The following FIGN variants were observed in gnomAD, a reference collection of about 807,000 sequenced individuals.
FIGN encodes fidgetin, microtubule severing factor.
In FIGN, 11 loss-of-function variants were observed where a neutral mutation model predicts 51.3. That is an observed-to-expected ratio of 0.21 (90% confidence interval 0.13 to 0.35). FIGN has a LOEUF of 0.35. FIGN is among the 10% of genes least tolerant of loss of function. The probability of loss-of-function intolerance (pLI) is 1.00; values close to 1 mark genes in which losing one functional copy is unlikely to be tolerated. For missense variants in FIGN, 857 were observed against 943.6 expected (o/e 0.91, Z 1.20); for synonymous variants, 407 against 363.2 (o/e 1.12, Z -1.37).
chr2:163,684,939 ATTTTTTTTTT>A, intron 2 of FIGN, among the ~76,000 whole-genome samples: 1 of 119,450 alleles, frequency 8.4e-6, no homozygotes, highest in East Asian at 2.6e-4. Flanking sequence ...ATGCCTGGCT[ATTTTTTTTTT>A]TTTTTTTTTG....
chr2:163,639,450 C>T (rs1683275288), intron 2 of FIGN, among the ~76,000 whole-genome samples: 1 of 152,042 alleles, frequency 6.6e-6, no homozygotes, highest in South Asian at 2.1e-4. Flanking sequence ...TTAAACATGG[C>T]AAACAAGTTC....
intron 2 of FIGN, among the ~76,000 whole-genome samples, chr2:163,664,427 G>T (rs1054841172): frequency 1.3e-5 from 2 of 151,994 alleles, no homozygotes; most frequent in African/African-American, 4.8e-5. Flanking sequence ...TTAAATTCTA[G>T]TATATATATT....
intron 2 of FIGN, 22 bp from the exon 3 acceptor site, chr2:163,611,828 G>C: frequency 6.3e-7 from 1 of 1,576,924 alleles, no homozygotes. Flanking sequence ...GGGGGGAAAA[G>C]AGTTAATTTA....
chr2:163,661,820 T>C (rs2105328177), intron 2 of FIGN, among the ~76,000 whole-genome samples: 2 of 152,280 alleles, frequency 1.3e-5, no homozygotes, highest in African/African-American at 4.8e-5. Flanking sequence ...TGCCACCATG[T>C]AAGAAGTGCC....
chr2:163,690,338 T>A (rs929489460), intron 2 of FIGN, among the ~76,000 whole-genome samples: 1 of 152,158 alleles, frequency 6.6e-6, no homozygotes, highest in Admixed American at 6.5e-5. Flanking sequence ...AATTTAAAAA[T>A]CAAATAAAGT....
At chr2:163,668,018 C>A (rs1232845028) in intron 2 of FIGN, among the ~76,000 whole-genome samples, 1 of 148,654 alleles carries the variant, frequency 6.7e-6, no homozygotes, top group African/African-American at 2.5e-5. Context: ...CCTCCAACCC[C>A]CCCCCCCAAA....
Position 163,610,413 on chromosome 2 carries a change from G to C in FIGN, c.1419C>G (p.Thr473=). 6.2e-7 allele frequency: 1 copy of C among 1,614,110 alleles called. No homozygotes were observed. Among genetic ancestry groups the C allele is most frequent in the Non-Finnish European group, 8.5e-7 (1 of 1,180,022 alleles). The change falls in exon 3 of 3, where the codon ACC becomes ACG. Residue 473 remains threonine (T), a synonymous_variant. Coordinates refer to ENST00000333129, the MANE Select transcript of FIGN (RefSeq NM_018086.4). ...NTDTHLIDLV[T]NEIITQGPPV... is the part of the protein sequence containing the mutation. ...GAGGTCCTTGGGTGATAATCTCATT[G>C]GTTACCAGGTCGATGAGGTGCGTGT... is the stretch of plus-strand genomic sequence containing the variant.
At position 163,720,461 on chromosome 2, in the gene FIGN, T is replaced by C. The variant is rs59288477; in HGVS notation, c.25+14442A>G. Reference sequence around the variant, plus strand: ...AAAAGAGTCCATTAGAAAACATTCTTTTCATGCATTTGGGACAAATATATT... The same window carrying C: ...AAAAGAGTCCATTAGAAAACATTCTCTTCATGCATTTGGGACAAATATATT... On this transcript the variant is annotated intron_variant, in intron 2 of 2. Transcript: ENST00000333129. Among the ~76,000 whole-genome samples the C allele has an allele frequency of 1.6e-3, 240 of 152,324 alleles. 1 individual carries two copies. Among genetic ancestry groups the C allele is most frequent in the African/African-American group, 5.6e-3 (232 of 41,562 alleles).
Position 163,610,042 on chromosome 2 carries a change from T to C in FIGN, c.1790A>G (p.Glu597Gly), listed in dbSNP as rs771300881. The change falls in exon 3 of 3, where the codon GAG becomes GGG. Residue 597 changes from glutamate (E) to glycine (G), a missense_variant. Coordinates refer to ENST00000333129, the MANE Select transcript of FIGN (RefSeq NM_018086.4). ...CATCCGACTGACTGGACTATGTTCC[T>C]CATTCACTTGAGAGGAGAGAAGCAT... is the stretch of plus-strand genomic sequence containing the variant. ...IDMLLSSQVN[E>G]EHSPVSRMRT... 3 of 1,614,134 alleles carry C rather than the reference T, an allele frequency of 1.9e-6. No homozygotes were observed. The Middle Eastern group carries it at 4.9e-4, about 266-fold the overall frequency.
In FIGN at chr2:163,734,994, C is replaced by T; in HGVS notation, c.-67G>A. The T allele has an allele frequency of 6.5e-7, 1 of 1,548,744 alleles. No homozygotes were observed. The highest frequency in any genetic ancestry group is 8.9e-7 in the Non-Finnish European group (1 of 1,128,176). ...AGCAGGAATTCCAAAGGTTGCTTTT[C>T]ATTAAAGCCACTTTTCCTCTCAGCT... On this transcript the variant is annotated 5_prime_UTR_variant, in exon 2 of 3. The change abolishes an upstream ATG in the 5' untranslated region. Coordinates refer to ENST00000333129, the MANE Select transcript of FIGN (RefSeq NM_018086.4).
intron 2 of FIGN, among the ~76,000 whole-genome samples, chr2:163,647,344 G>A (rs1176494425): frequency 6.6e-6 from 1 of 152,142 alleles, no homozygotes; most frequent in Non-Finnish European, 1.5e-5. Context: ...GCTGCAGGGA[G>A]GGTTCCTCTC....
rs1323683739 is a variant in FIGN at position 163,611,572 on chromosome 2, A to G, written c.260T>C (p.Val87Ala). 6.2e-7 allele frequency: 1 copy of G among 1,614,242 alleles called. No individual in the cohort carries two copies. Among genetic ancestry groups the G allele is most frequent in the South Asian group, 1.1e-5 (1 of 91,092 alleles). The change falls in exon 3 of 3, where the codon GTA (valine) becomes GCA (alanine). Residue 87 changes from valine to alanine, a missense_variant. Around this residue, in one of 3 missense-constraint regions of FIGN, gnomAD observed 799 missense variants for 849.5 expected, o/e 0.94. Transcript: ENST00000333129. ...TGGTGTGTCCGAATAGTTGCTGAGT[A>G]CGGGTCGGTCCACAGGACCTTCCAA... ...GILEGPVDRP[V>A]LSNYSDTPSG...
chr2:163,653,298 C>G (rs1276281678), intron 2 of FIGN, among the ~76,000 whole-genome samples: 2 of 152,000 alleles, frequency 1.3e-5, no homozygotes, highest in African/African-American at 4.8e-5. Context: ...TAGGCACATG[C>G]TCCACCCATG....
rs185380756 is a variant in FIGN, at chr2:163,641,569, G to A, written c.26-29763C>T. On this transcript the variant is annotated intron_variant, in intron 2 of 2. Transcript: ENST00000333129. ...AACGTTCCATTATACCACTTTGACTGCCTTACACCTTTTCAGAAAATTAAA... is the reference window on the plus strand; with the variant it reads ...AACGTTCCATTATACCACTTTGACTACCTTACACCTTTTCAGAAAATTAAA... Among the ~76,000 whole-genome samples the A allele has an allele frequency of 5.5e-4, 84 of 152,260 alleles. 2 individuals carry two copies. Among genetic ancestry groups the A allele is most frequent in the Admixed American group, 4.8e-3 (74 of 15,300 alleles).
chr2:163,697,669 G>A (rs1381179072), intron 2 of FIGN, among the ~76,000 whole-genome samples: 3 of 152,110 alleles, frequency 2.0e-5, no homozygotes, highest in Middle Eastern at 3.2e-3. Context: ...TTGAAATCCC[G>A]CAGCTTTGGG....
intron 2 of FIGN, among the ~76,000 whole-genome samples, chr2:163,664,498 C>A (rs1325545948): frequency 2.0e-5 from 3 of 152,114 alleles, no homozygotes; most frequent in African/African-American, 7.2e-5. Flanking sequence ...TTAGTTCTTT[C>A]CCCGTCTATT....
At position 163,652,667 on chromosome 2, in the gene FIGN, G is replaced by T. The variant is rs1683496903; in HGVS notation, c.26-40861C>A. On this transcript the variant is annotated intron_variant, in intron 2 of 2. Coordinates refer to ENST00000333129, the MANE Select transcript of FIGN (RefSeq NM_018086.4). ...TTTTCTTGTTTAAGAAGAAAAGTGT[G>T]AATGATTCCCACTCCTATCTGTTGG... 3.3e-5 allele frequency among the ~76,000 whole-genome samples: 5 copies of T among 152,068 alleles called. No individual in the cohort carries two copies. The South Asian group carries it at 1.0e-3, about 31-fold the overall frequency.
intron 2 of FIGN, among the ~76,000 whole-genome samples, chr2:163,655,497 C>G (rs1573929494): frequency 6.6e-6 from 1 of 152,146 alleles, no homozygotes; most frequent in African/African-American, 2.4e-5. Context: ...TACCACAGCC[C>G]TTCTATGTTC....
Position 163,611,758 on chromosome 2 carries a change from T to C in FIGN, c.74A>G (p.His25Arg), listed in dbSNP as rs1010660231. ...TPEHAQWPEQ[H>R]FDITSTTRSP... ...CCGAGTGGTTGAGGTGATGTCAAAGTGCTGTTCTGGCCACTGGGCATGCTC... is the reference window on the plus strand; with the variant it reads ...CCGAGTGGTTGAGGTGATGTCAAAGCGCTGTTCTGGCCACTGGGCATGCTC... Residue 25 changes from histidine (H) to arginine (R), a missense_variant, in exon 3 of 3, where the codon CAC (histidine) becomes CGC (arginine). Around this residue, in one of 3 missense-constraint regions of FIGN, gnomAD observed 56 missense variants for 75.3 expected, o/e 0.74. Coordinates refer to ENST00000333129, the MANE Select transcript of FIGN (RefSeq NM_018086.4). 1 of 1,613,734 alleles carries C rather than the reference T, an allele frequency of 6.2e-7. No homozygotes were observed. Among genetic ancestry groups the C allele is most frequent in the Admixed American group, 1.7e-5 (1 of 59,996 alleles).
Sources: gnomAD v4.1 joint callset for allele counts (sites outside exome capture counted in the v4.1 genomes callset) on GRCh38, gnomAD v4.1.1 for gene constraint, gnomAD v4.1.1 regional missense constraint, MANE v1.5 for transcripts, NCBI Gene and HGNC (gene_info 2026-07-23, HGNC 2026-07-21) for gene names.